ANKRD12: variants seen among roughly 807,000 people sequenced by gnomAD.
The protein encoded by ANKRD12 is ankyrin repeat domain 12.
A neutral mutation model predicts 183.4 loss-of-function variants in ANKRD12; 85 were observed. The observed-to-expected ratio is 0.46, with a 90% confidence interval of 0.39 to 0.56. The LOEUF is 0.56. Ranked by LOEUF, ANKRD12 falls within the 20% of genes least tolerant of loss-of-function variation. The pLI is 0.00. For missense variants in ANKRD12, 2,405 were observed against 2,357.1 expected, an observed-to-expected ratio of 1.02 and a Z score of -0.42; for synonymous variants, 914 against 800.2, an observed-to-expected ratio of 1.14 and a Z score of -2.40.
intron 6 of ANKRD12, among the ~76,000 whole-genome samples, chr18:9,214,616 C>T (rs778785082): frequency 4.6e-5 from 7 of 152,028 alleles, no homozygotes; most frequent in African/African-American, 1.7e-4. Flanking sequence ...TTTAAGTGCT[C>T]CTAGTGATAC....
At chr18:9,146,872 A>G (rs544520750) in intron 1 of ANKRD12, among the ~76,000 whole-genome samples, 36 of 152,344 alleles carry the variant, frequency 2.4e-4, no homozygotes, top group Non-Finnish European at 4.3e-4. Context: ...AGTGAGCAGG[A>G]TAAAGAAAAA....
At chr18:9,237,539 A>G (rs1203614466) in intron 8 of ANKRD12, among the ~76,000 whole-genome samples, 2 of 152,224 alleles carry the variant, frequency 1.3e-5, no homozygotes, top group African/African-American at 4.8e-5. Flanking sequence ...TAGCCTCACC[A>G]TAAACTATTG....
chr18:9,277,494 ATTT>A (rs373432467), intron 11 of ANKRD12, among the ~76,000 whole-genome samples: 1 of 151,194 alleles, frequency 6.6e-6, no homozygotes, highest in Non-Finnish European at 1.5e-5. Context: ...CACCCGGCTA[ATTT>A]TTTGTATTTT....
Position 9,258,837 on chromosome 18 carries a change from T to C in ANKRD12, c.5570T>C (p.Ile1857Thr), listed in dbSNP as rs1245916783. 1 of 1,613,932 alleles carries C rather than the reference T, an allele frequency of 6.2e-7. No homozygotes were observed. ...AAACGCAAATTACTGTGTAGTGTGA[T>C]TCCTCAAGCACCTCAGTACTATGAC... ...EEKRKLLCSVIPQAPQYYDEY... is the reference protein window; with the variant it reads ...EEKRKLLCSVTPQAPQYYDEY... The change falls in exon 9 of 13, where the codon ATT becomes ACT. Residue 1857 changes from isoleucine (I) to threonine (T), a missense_variant. Ile to Thr is a moderately conservative substitution (Grantham distance 89, BLOSUM62 -1). Coordinates refer to ENST00000262126, the MANE Select transcript of ANKRD12 (RefSeq NM_015208.5).
intron 9 of ANKRD12, among the ~76,000 whole-genome samples, chr18:9,261,021 T>C (rs73394181): frequency 0.015 from 2,217 of 152,240 alleles, 43 homozygotes; most frequent in African/African-American, 0.051. Context: ...CTCAAGTCCT[T>C]CTGAGGTGTT....
intron 1 of ANKRD12, among the ~76,000 whole-genome samples, chr18:9,172,058 T>A (rs890180878): frequency 1.3e-5 from 2 of 150,690 alleles, no homozygotes; most frequent in African/African-American, 4.9e-5. Context: ...TGAATATTGG[T>A]CCCCAATCTT....
chr18:9,164,166 A>G (rs11663671), intron 1 of ANKRD12, among the ~76,000 whole-genome samples: 3,209 of 152,204 alleles, frequency 0.021, 50 homozygotes, highest in Non-Finnish European at 0.035. Flanking sequence ...TTTGTCATAT[A>G]TGGCTGTTAT....
At chr18:9,151,834 G>A (rs563135436) in intron 1 of ANKRD12, among the ~76,000 whole-genome samples, 1 of 152,300 alleles carries the variant, frequency 6.6e-6, no homozygotes, top group South Asian at 2.1e-4. Flanking sequence ...TATTTTATAT[G>A]CACTGGGGTC....
At chr18:9,273,824 G>A (rs1418473490) in intron 10 of ANKRD12, among the ~76,000 whole-genome samples, 1 of 152,188 alleles carries the variant, frequency 6.6e-6, no homozygotes, top group Non-Finnish European at 1.5e-5. Context: ...ACAGGCAAAA[G>A]CCACTGTGCC....
intron 12 of ANKRD12, among the ~76,000 whole-genome samples, chr18:9,280,350 T>A (rs1240177508): frequency 6.6e-6 from 1 of 152,174 alleles, no homozygotes; most frequent in Non-Finnish European, 1.5e-5. Flanking sequence ...GCCACTCACC[T>A]CCTGCGGTGT....
chr18:9,255,144 A>T lies in ANKRD12; in HGVS notation c.1877A>T (p.Asp626Val). The part of the protein sequence containing the change: ...FGEKSNAKIK[D>V]EDHSPTFENS... ...GAAAAATCAAATGCCAAAATAAAGGATGAAGATCATAGTCCAACATTTGAA... is the reference window on the plus strand; with the variant it reads ...GAAAAATCAAATGCCAAAATAAAGGTTGAAGATCATAGTCCAACATTTGAA... Residue 626 changes from aspartate to valine, a missense_variant, in exon 9 of 13, where the codon GAT becomes GTT. Around this residue, in one of 7 missense-constraint regions of ANKRD12, gnomAD observed 1,983 missense variants for 1,725.9 expected, o/e 1.15. Transcript: ENST00000262126. The T allele has an allele frequency of 1.3e-6, 2 of 1,588,782 alleles. No individual in the cohort carries two copies. The highest frequency in any genetic ancestry group is 1.7e-6 in the Non-Finnish European group (2 of 1,172,950).
intron 5 of ANKRD12, among the ~76,000 whole-genome samples, chr18:9,211,364 A>G (rs2035793143): frequency 2.0e-5 from 3 of 152,044 alleles, no homozygotes; most frequent in African/African-American, 4.8e-5. Flanking sequence ...TGAATTGACA[A>G]AACATTTTTT....
At chr18:9,270,744 T>C (rs1238855107) in intron 10 of ANKRD12, among the ~76,000 whole-genome samples, 2 of 152,214 alleles carry the variant, frequency 1.3e-5, no homozygotes, top group Non-Finnish European at 2.9e-5. Flanking sequence ...TGTGCACATG[T>C]ACCCTAAAAC....
In ANKRD12 at chr18:9,238,793, T is replaced by C. The variant is rs536043324; in HGVS notation, c.944-15418T>C. Among the ~76,000 whole-genome samples, 10 of 152,374 alleles carry C rather than the reference T, an allele frequency of 6.6e-5. No individual in the cohort carries two copies. In the South Asian group the frequency reaches 1.9e-3, roughly 28 times the overall value. Reference sequence around the variant, plus strand: ...GTCTAAACTGGAATAAAGATCATAATAGCTGAAATTGCATTAACTTCGGTG... The same window carrying C: ...GTCTAAACTGGAATAAAGATCATAACAGCTGAAATTGCATTAACTTCGGTG... On this transcript the variant is annotated intron_variant, in intron 8 of 12. Transcript: ENST00000262126.
At chr18:9,157,552 T>TGG (rs2030703679) in intron 1 of ANKRD12, among the ~76,000 whole-genome samples, 47 of 82,186 alleles carry the variant, frequency 5.7e-4, no homozygotes, top group African/African-American at 2.5e-3. Flanking sequence ...TGTGTGTGGG[T>TGG]GTGTGTGTGT....
intron 1 of ANKRD12, chr18:9,137,185 G>A (rs2078132499): frequency 6.6e-6 from 1 of 150,806 alleles, no homozygotes; most frequent in Admixed American, 6.6e-5. Flanking sequence ...ACAGTGACAG[G>A]CCGTTAGTGC....
intron 2 of ANKRD12, among the ~76,000 whole-genome samples, chr18:9,191,051 A>G (rs948193381): frequency 6.6e-6 from 1 of 152,196 alleles, no homozygotes; most frequent in Non-Finnish European, 1.5e-5. Flanking sequence ...TCTTACTGAG[A>G]TGACAAAGGC....
Position 9,204,522 on chromosome 18 carries a change from A to G in ANKRD12, c.282A>G (p.Ile94Met), listed in dbSNP as rs910820407. 3.1e-6 allele frequency: 5 copies of G among 1,600,136 alleles called. No homozygotes were observed. Among genetic ancestry groups the G allele is most frequent in the Non-Finnish European group, 2.6e-6 (3 of 1,170,746 alleles). The change falls in exon 4 of 13, where the codon ATA becomes ATG. Residue 94 changes from isoleucine to methionine, a missense_variant. Around this residue, in one of 7 missense-constraint regions of ANKRD12, gnomAD observed 145 missense variants for 145.6 expected, o/e 1.00. Coordinates refer to ENST00000262126, the MANE Select transcript of ANKRD12 (RefSeq NM_015208.5). ...HTSENWGERL[I>M]SSYRTYSEKE... The stretch of plus-strand genomic sequence containing the variant: ...GTGAAAATTGGGGGGAGAGACTTAT[A>G]TCTTCTTACAGGACATACTCAGGTA...
chr18:9,195,770 A>T, intron 3 of ANKRD12, 72 bp downstream of exon 3: 2 of 1,295,048 alleles, frequency 1.5e-6, no homozygotes, highest in Non-Finnish European at 2.1e-6. Context: ...CTTGTACACC[A>T]CTCCTCTTGA....
Sources: allele counts gnomAD v4.1 joint callset (sites outside exome capture counted in the v4.1 genomes callset), GRCh38; gene constraint gnomAD v4.1.1; regional missense constraint gnomAD v4.1.1; transcripts MANE v1.5; gene names NCBI Gene and HGNC (gene_info 2026-07-23, HGNC 2026-07-21).